Variants in ST6GALNAC3 observed in about 807,000 individuals in gnomAD.
ST6GALNAC3 encodes alpha-N-acetylgalactosaminide alpha-2,6-sialyltransferase 3.
A neutral mutation model predicts 32.7 loss-of-function variants in ST6GALNAC3; 25 were observed. The observed-to-expected ratio is 0.76, with a 90% CI of 0.56 to 1.07. The LOEUF is 1.07. Among genes scored for constraint, ST6GALNAC3 ranks in the 50% least tolerant of loss-of-function variants. ST6GALNAC3 has a pLI of 0.00. For synonymous variants in ST6GALNAC3, 129 were observed against 133.1 expected (o/e 0.97, Z 0.21); for missense variants, 355 against 382.4 (o/e 0.93, Z 0.60).
At chr1:76,220,786 T>C (rs1655719260) in intron 1 of ST6GALNAC3, among the ~76,000 whole-genome samples, 1 of 152,198 alleles carries the variant, frequency 6.6e-6, no homozygotes, top group Non-Finnish European at 1.5e-5. Flanking sequence ...GCCATGGTGT[T>C]ATTGTGTTCT....
intron 2 of ST6GALNAC3, 82 bp downstream of exon 2, chr1:76,314,081 C>T (rs1646821644): frequency 1.0e-5 from 14 of 1,362,920 alleles, no homozygotes; most frequent in Non-Finnish European, 1.4e-5. Flanking sequence ...GCTTCCAACT[C>T]ACTGAACTTA....
rs769899849 is a variant in ST6GALNAC3 at position 76,313,985 on chromosome 1, G to A, written c.199G>A (p.Val67Met). 5.6e-6 allele frequency: 9 copies of A among 1,612,128 alleles called. No homozygotes were observed. The Admixed American group carries it at 1.2e-4, about 21-fold the overall frequency. ...PLRTHYGYIN[V>M]KTQEPLQLDC... ...TCGAACTCACTATGGATACATAAAT[G>A]TGAAGACACAAGAGGTAAGATCCCA... The change falls in exon 2 of 5, where the codon GTG becomes ATG. Residue 67 changes from valine to methionine, a missense_variant. Coordinates refer to ENST00000328299, the MANE Select transcript of ST6GALNAC3 (RefSeq NM_152996.4).
At chr1:76,155,628 T>G (rs1252684641) in intron 1 of ST6GALNAC3, among the ~76,000 whole-genome samples, 1 of 147,804 alleles carries the variant, frequency 6.8e-6, no homozygotes, top group Non-Finnish European at 1.5e-5. Context: ...CCACTACGCC[T>G]GGCTAATTTT....
At chr1:76,357,442 A>G (rs915778282) in intron 2 of ST6GALNAC3, among the ~76,000 whole-genome samples, 1 of 152,156 alleles carries the variant, frequency 6.6e-6, no homozygotes, top group Non-Finnish European at 1.5e-5. Context: ...ACTCATCTTC[A>G]CATCCTTCCA....
chr1:76,411,488 A>G (rs996315375), intron 2 of ST6GALNAC3, among the ~76,000 whole-genome samples: 3 of 152,114 alleles, frequency 2.0e-5, no homozygotes, highest in African/African-American at 7.2e-5. Flanking sequence ...GACTTACCTT[A>G]AGTAGTTACT....
At chr1:76,373,909 C>G (rs150725776) in intron 2 of ST6GALNAC3, among the ~76,000 whole-genome samples, 2 of 152,262 alleles carry the variant, frequency 1.3e-5, no homozygotes, top group East Asian at 3.9e-4. Context: ...TTCCCACCCC[C>G]ACCATTCTTT....
chr1:76,311,570 G>C (rs1646763769), intron 1 of ST6GALNAC3, among the ~76,000 whole-genome samples: 1 of 152,038 alleles, frequency 6.6e-6, no homozygotes, highest in African/African-American at 2.4e-5. Context: ...TGAGAGTGAT[G>C]GTTTCCAGCT....
At chr1:76,373,927 G>C (rs1651020844) in intron 2 of ST6GALNAC3, among the ~76,000 whole-genome samples, 1 of 151,946 alleles carries the variant, frequency 6.6e-6, no homozygotes, top group South Asian at 2.1e-4. Flanking sequence ...TTTTCTTTTG[G>C]TGCCTGGTGA....
At chr1:76,489,499 T>C (rs1036553139) in intron 3 of ST6GALNAC3, among the ~76,000 whole-genome samples, 3 of 152,120 alleles carry the variant, frequency 2.0e-5, no homozygotes, top group African/African-American at 7.2e-5. Flanking sequence ...TTTCTCTTTT[T>C]GCATGTGGAT....
At chr1:76,268,144 T>C (rs953890921) in intron 1 of ST6GALNAC3, among the ~76,000 whole-genome samples, 1 of 152,190 alleles carries the variant, frequency 6.6e-6, no homozygotes, top group African/African-American at 2.4e-5. Flanking sequence ...ACAGATAAGA[T>C]ATTGAACTGA....
chr1:76,565,287 C>T (rs1004835724), intron 3 of ST6GALNAC3, among the ~76,000 whole-genome samples: 2 of 152,176 alleles, frequency 1.3e-5, no homozygotes, highest in Non-Finnish European at 2.9e-5. Context: ...TTCTACACCA[C>T]ACAGGCGTTA....
chr1:76,534,442 T>G (rs1436245626), intron 3 of ST6GALNAC3, among the ~76,000 whole-genome samples: 1 of 152,156 alleles, frequency 6.6e-6, no homozygotes, highest in African/African-American at 2.4e-5. Flanking sequence ...CACATCGAGA[T>G]CCCTCTCACC....
chr1:76,357,130 C>CTTTTTTTTTTTTTTTTTTTTTTTTTTTT (rs55786044), intron 2 of ST6GALNAC3, among the ~76,000 whole-genome samples: 6 of 111,188 alleles, frequency 5.4e-5, no homozygotes, highest in East Asian at 2.8e-4. Context: ...TTTTCTTTTT[C>CTTTTTTTTTTTTTTTTTTTTTTTTTTTT]TTTTTTTTTT....
At chr1:76,077,148 T>G (rs951112269) in intron 1 of ST6GALNAC3, among the ~76,000 whole-genome samples, 20 of 152,220 alleles carry the variant, frequency 1.3e-4, no homozygotes, top group Admixed American at 4.6e-4. Context: ...GCTTCTTGCA[T>G]ATGATTTTAG....
intron 1 of ST6GALNAC3, among the ~76,000 whole-genome samples, chr1:76,172,131 T>G (rs1051885949): frequency 3.3e-5 from 5 of 152,068 alleles, no homozygotes; most frequent in Admixed American, 2.6e-4. Flanking sequence ...AAAAAAAAAC[T>G]TATCCACCAC....
rs370625042 is a variant in ST6GALNAC3 at position 76,174,385 on chromosome 1, G to A, written c.18+99501G>A. Among the ~76,000 whole-genome samples, 284 of 151,548 alleles carry A rather than the reference G, an allele frequency of 1.9e-3. 2 individuals carry two copies. The South Asian group carries it at 0.035, about 19-fold the overall frequency. ...GTTGCAGCAAACTACTATGGCACAC[G>A]TATACCTAGGTAACAAACCTGCACA... On this transcript the variant is annotated intron_variant, in intron 1 of 4. Transcript: ENST00000328299.
intron 1 of ST6GALNAC3, among the ~76,000 whole-genome samples, chr1:76,195,414 A>G (rs1654146737): frequency 6.6e-6 from 1 of 152,212 alleles, no homozygotes; most frequent in African/African-American, 2.4e-5. Context: ...ATTTCATCAC[A>G]CAGAATATTA....
chr1:76,635,086 G>A (rs1481860822), downstream of ST6GALNAC3, among the ~76,000 whole-genome samples: 1 of 152,114 alleles, frequency 6.6e-6, no homozygotes, highest in African/African-American at 2.4e-5. Flanking sequence ...ACTATCTGAT[G>A]CTGACATATA....
intron 3 of ST6GALNAC3, among the ~76,000 whole-genome samples, chr1:76,464,156 C>T (rs940315332): frequency 2.6e-5 from 4 of 152,142 alleles, no homozygotes; most frequent in South Asian, 2.1e-4. Flanking sequence ...TCACTGAACA[C>T]GACTTTACTC....
Sources: allele counts gnomAD v4.1 joint callset (sites outside exome capture counted in the v4.1 genomes callset), GRCh38; gene constraint gnomAD v4.1.1; transcripts MANE v1.5; gene names NCBI Gene and HGNC (gene_info 2026-07-23, HGNC 2026-07-21).